Variants in CLPX observed in about 807,000 individuals in gnomAD.
CLPX encodes the protein caseinolytic mitochondrial matrix peptidase chaperone subunit X, also known as ATP-dependent clpX-like chaperone, mitochondrial.
A neutral mutation model predicts 76.4 loss-of-function variants in CLPX; 34 were observed. The observed-to-expected ratio is 0.45, with a 90% CI of 0.34 to 0.59. The LOEUF (loss-of-function observed/expected upper bound fraction) is 0.59. Ranked by LOEUF, CLPX falls within the 20% of genes least tolerant of loss-of-function variation. The probability of loss-of-function intolerance (pLI) is 0.01; values close to 1 mark genes in which losing one functional copy is unlikely to be tolerated. For synonymous variants in CLPX, 248 were observed against 270.9 expected, an observed-to-expected ratio of 0.92 and a Z score of 0.83; for missense variants, 613 against 757.0, an observed-to-expected ratio of 0.81 and a Z score of 2.23.
intron 6 of CLPX, among the ~76,000 whole-genome samples, chr15:65,161,170 C>G (rs2087852103): frequency 6.6e-6 from 1 of 152,128 alleles, no homozygotes; most frequent in South Asian, 2.1e-4. Flanking sequence ...TTTAATTATT[C>G]ACACAACACA....
At chr15:65,156,984 T>C (rs771814366) in intron 8 of CLPX, 52 bp from the exon 9 acceptor site, 1 of 1,196,038 alleles carries the variant, frequency 8.4e-7, no homozygotes, top group South Asian at 1.3e-5. Context: ...ATACACAAGA[T>C]AGCCTCAGCT....
At chr15:65,154,507 T>C (rs776460277) in intron 11 of CLPX, among the ~76,000 whole-genome samples, 33 of 152,206 alleles carry the variant, frequency 2.2e-4, no homozygotes, top group Non-Finnish European at 4.1e-4. Context: ...AGGACAATCC[T>C]GTATGTCTGG....
chr15:65,149,437 T>C lies in CLPX; in HGVS notation c.*1386A>G, dbSNP rs961397038. ...TTGCAGTGAGCCAAGATTGTGGCAC[T>C]GTACTCCAGCCTGGGTGACACAGCG... On this transcript the variant is annotated 3_prime_UTR_variant, in exon 14 of 14. Coordinates refer to ENST00000300107, the MANE Select transcript of CLPX (RefSeq NM_006660.5). 6 of 284,782 alleles carry C rather than the reference T, an allele frequency of 2.1e-5. No homozygotes were observed. The highest frequency in any genetic ancestry group is 4.1e-5 in the Non-Finnish European group (6 of 145,182). The allele number at this position is 284,782 out of a possible 1,614,324, so 17.6% of individuals were successfully genotyped here.
chr15:65,166,055 G>C (rs1168421880), intron 4 of CLPX, among the ~76,000 whole-genome samples: 1 of 152,156 alleles, frequency 6.6e-6, no homozygotes, highest in African/African-American at 2.4e-5. Context: ...AATGGAGCTG[G>C]TGGTACATTC....
Position 65,164,034 on chromosome 15 carries a change from G to A in CLPX, c.668C>T (p.Pro223Leu), listed in dbSNP as rs1343826936. 2 of 1,612,818 alleles carry A rather than the reference G, an allele frequency of 1.2e-6. No individual in the cohort carries two copies. Among genetic ancestry groups the A allele is most frequent in the Admixed American group, 1.7e-5 (1 of 59,972 alleles). ...AEVEKQTSLTPRELEIRRRED... is the reference protein window; with the variant it reads ...AEVEKQTSLTLRELEIRRRED... The stretch of plus-strand genomic sequence containing the variant: ...TCAATTATCAAAAACGCTACCTCTT[G>A]GTGTTAATGATGTCTGCTTCTCAAC... Residue 223 changes from proline to leucine, a missense_variant, in exon 5 of 14, where the codon CCA becomes CTA. Around this residue, in one of 2 missense-constraint regions of CLPX, gnomAD observed 450 missense variants for 638.6 expected, o/e 0.70. Transcript: ENST00000300107.
chr15:65,168,868 T>G (rs8041459), intron 3 of CLPX, among the ~76,000 whole-genome samples: 2,048 of 151,844 alleles, frequency 0.013, 36 homozygotes, highest in African/African-American at 0.047. Flanking sequence ...TTCTCTTTTT[T>G]TTTTTTGAGA....
rs750379547 is a variant in CLPX at position 65,152,466 on chromosome 15, T to C, written c.1775A>G (p.Glu592Gly). The change falls in exon 13 of 14, where the codon GAA (glutamate) becomes GGA (glycine). Residue 592 changes from glutamate (E) to glycine (G), a missense_variant. Glu to Gly is a moderately conservative substitution (Grantham distance 98). Around this residue, in one of 2 missense-constraint regions of CLPX, gnomAD observed 450 missense variants for 638.6 expected, o/e 0.70. Coordinates refer to ENST00000300107, the MANE Select transcript of CLPX (RefSeq NM_006660.5). ...TGGTTCCTTTTTTCCTTCTACTACT[T>C]CTTTGTCAACCTCCACACATACGAT... ...SDIVCVEVDKEVVEGKKEPGY... is the reference protein window; with the variant it reads ...SDIVCVEVDKGVVEGKKEPGY... The C allele has an allele frequency of 3.2e-6, 5 of 1,562,928 alleles. No homozygotes were observed. In the African/African-American group the frequency reaches 6.9e-5, roughly 22 times the overall value.
At chr15:65,183,530 G>A in intron 1 of CLPX, among the ~76,000 whole-genome samples, 1 of 138,112 alleles carries the variant, frequency 7.2e-6, no homozygotes, top group African/African-American at 2.7e-5. Context: ...TGGAAAGAAA[G>A]ACAGAAAGGA....
intron 3 of CLPX, among the ~76,000 whole-genome samples, chr15:65,169,304 T>A (rs1461099191): frequency 6.6e-6 from 1 of 152,126 alleles, no homozygotes; most frequent in Non-Finnish European, 1.5e-5. Context: ...TCTCATGATG[T>A]TGCCCAGGCG....
At position 65,155,669 on chromosome 15, in the gene CLPX, AG is replaced by A. The variant is rs764044206; in HGVS notation, c.1311+22del. The stretch of plus-strand genomic sequence containing the variant: ...TCCTTTAAATGCTCTCTATCCTTCT[AG>A]TAACCCCTCAGAAAAACTTACCTTT... On this transcript the variant is annotated intron_variant, in intron 10 of 13. Transcript: ENST00000300107. 7 of 1,597,668 alleles carry A rather than the reference AG, an allele frequency of 4.4e-6. No individual in the cohort carries two copies. In the South Asian group the frequency reaches 7.7e-5, roughly 18 times the overall value.
At position 65,180,166 on chromosome 15, in the gene CLPX, T is replaced by C. The variant is rs1172019738; in HGVS notation, c.118A>G (p.Arg40Gly). ...ATCTGAGTTTCAAATGTCCCAAGCCTTCCTAAAACTGACATATGAATGCGA... is the reference window on the plus strand; with the variant it reads ...ATCTGAGTTTCAAATGTCCCAAGCCCTCCTAAAACTGACATATGAATGCGA... ...GGRIHMSVLGRLGTFETQILQ... is the reference protein window; with the variant it reads ...GGRIHMSVLGGLGTFETQILQ... Residue 40 changes from arginine (R) to glycine (G), a missense_variant, in exon 2 of 14, where the codon AGG (arginine) becomes GGG (glycine). Arg to Gly is a moderately radical substitution (Grantham distance 125, BLOSUM62 -2). Around this residue, in one of 2 missense-constraint regions of CLPX, gnomAD observed 163 missense variants for 118.4 expected, o/e 1.38. Transcript: ENST00000300107. The C allele has an allele frequency of 6.2e-7, 1 of 1,603,684 alleles. No homozygotes were observed. The highest frequency in any genetic ancestry group is 2.2e-5 in the East Asian group (1 of 44,686).
chr15:65,165,462 C>A (rs1566982104), intron 4 of CLPX, among the ~76,000 whole-genome samples: 1 of 135,376 alleles, frequency 7.4e-6, no homozygotes, highest in Non-Finnish European at 1.5e-5. Context: ...TGGCTCACTG[C>A]AAGCTCCGCC....
chr15:65,155,028 A>C lies in CLPX; in HGVS notation c.1365T>G (p.Ala455=). Residue 455 remains alanine (A), a synonymous_variant, in exon 11 of 14, where the codon GCT becomes GCG. Transcript: ENST00000300107. Reference sequence around the variant, plus strand: ...CACTTCGATTAGCAAGGTCTGCAGCAGCTGCAGCCCTTCTGCCTTTTCCCA... The same window carrying C: ...CACTTCGATTAGCAAGGTCTGCAGCCGCTGCAGCCCTTCTGCCTTTTCCCA... ...SNLGKGRRAA[A]AADLANRSGE... The C allele has an allele frequency of 6.2e-7, 1 of 1,614,096 alleles. No individual in the cohort carries two copies. The highest frequency in any genetic ancestry group is 8.5e-7 in the Non-Finnish European group (1 of 1,179,952).
chr15:65,161,825 A>G (rs1451679156), intron 6 of CLPX, among the ~76,000 whole-genome samples: 1 of 152,130 alleles, frequency 6.6e-6, no homozygotes, highest in Non-Finnish European at 1.5e-5. Flanking sequence ...GTATTTCTAT[A>G]AATTTAAAAA....
chr15:65,153,179 G>T (rs539428026), intron 12 of CLPX, among the ~76,000 whole-genome samples: 1 of 151,728 alleles, frequency 6.6e-6, no homozygotes, highest in African/African-American at 2.4e-5. Context: ...GCCAGGCGTG[G>T]TGGCTCACGC....
Position 65,149,931 on chromosome 15 carries a change from AC to A in CLPX, c.*891del, listed in dbSNP as rs1174083788. The A allele has an allele frequency of 6.5e-6, 1 of 154,612 alleles. No homozygotes were observed. The highest frequency in any genetic ancestry group is 1.4e-5 in the Non-Finnish European group (1 of 69,606). The allele number at this position is 154,612 out of a possible 1,614,324, so 9.6% of individuals were successfully genotyped here. On this transcript the variant is annotated 3_prime_UTR_variant, in exon 14 of 14. Coordinates refer to ENST00000300107, the MANE Select transcript of CLPX (RefSeq NM_006660.5). ...GTAAGAAAATGGCCTTTTTTACAGA[AC>A]CAATTGGGAAGTTAGTGTCATGCAT...
At chr15:65,155,216 G>A in intron 10 of CLPX, 135 bp from the exon 11 acceptor site, 5 of 861,238 alleles carry the variant, frequency 5.8e-6, no homozygotes, top group Middle Eastern at 2.9e-4. Flanking sequence ...ATTTTACAAA[G>A]GAAAAAAACA....
Position 65,150,758 on chromosome 15 carries a change from A to G in CLPX, c.*65T>C, listed in dbSNP as rs1267460973. On this transcript the variant is annotated 3_prime_UTR_variant, in exon 14 of 14. Transcript: ENST00000300107. Reference sequence around the variant, plus strand: ...TCCAATGCCTTTAATATCAGACTGTAGAGACAATTATGATCCTAAACAAAA... The same window carrying G: ...TCCAATGCCTTTAATATCAGACTGTGGAGACAATTATGATCCTAAACAAAA... The G allele has an allele frequency of 8.9e-7, 1 of 1,123,230 alleles. No homozygotes were observed. Among genetic ancestry groups the G allele is most frequent in the Admixed American group, 1.9e-5 (1 of 52,430 alleles). 69.6% of individuals were successfully genotyped at this position (1,123,230 alleles called of 1,614,324 possible). A position where few individuals can be genotyped will look rare whatever the true frequency, so the allele number is the denominator to read the frequency against.
intron 7 of CLPX, 69 bp from the exon 8 acceptor site, chr15:65,157,979 CA>C: frequency 1.5e-6 from 2 of 1,368,924 alleles, no homozygotes; most frequent in Non-Finnish European, 2.0e-6. Flanking sequence ...AATAAAAATG[CA>C]AAATAAATTT....
Sources: allele counts gnomAD v4.1 joint callset (sites outside exome capture counted in the v4.1 genomes callset), GRCh38; gene constraint gnomAD v4.1.1; regional missense constraint gnomAD v4.1.1; transcripts MANE v1.5; gene names NCBI Gene and HGNC (gene_info 2026-07-23, HGNC 2026-07-21).